The following WWOX variants were observed in gnomAD, a reference collection of about 807,000 sequenced individuals.
WWOX encodes the protein WW domain-containing oxidoreductase.
WWOX carries 69 observed loss-of-function variants against 46.2 expected under a neutral mutation model. The observed-to-expected ratio is 1.49, with a 90% CI of 1.23 to 1.82. WWOX has a LOEUF of 1.82. WWOX is among the 40% of genes most tolerant of loss of function. The pLI is 0.00. For missense variants in WWOX, 919 were observed against 542.6 expected (o/e 1.69, Z -6.89); for synonymous variants, 359 against 202.6 (o/e 1.77, Z -6.56).
intron 8 of WWOX, among the ~76,000 whole-genome samples, chr16:78,924,944 C>T (rs1348823646): frequency 1.3e-5 from 2 of 152,094 alleles, no homozygotes; most frequent in Non-Finnish European, 2.9e-5. Flanking sequence ...CTTGTAATTC[C>T]AGCACTTTGG....
chr16:78,261,978 A>G (rs1439291826), intron 5 of WWOX, among the ~76,000 whole-genome samples: 2 of 150,354 alleles, frequency 1.3e-5, no homozygotes, highest in Non-Finnish European at 3.0e-5. Context: ...ATATCTGAGT[A>G]GGGCTTTAAG....
intron 8 of WWOX, among the ~76,000 whole-genome samples, chr16:79,160,045 G>A (rs181991625): frequency 1.3e-5 from 2 of 152,316 alleles, no homozygotes; most frequent in African/African-American, 4.8e-5. Context: ...AATGTCTGCT[G>A]CTGGGTGCTC....
chr16:78,864,823 T>C (rs368559135), intron 8 of WWOX, among the ~76,000 whole-genome samples: 1 of 140,298 alleles, frequency 7.1e-6, no homozygotes, highest in Admixed American at 7.9e-5. Flanking sequence ...AGTGCAGTGG[T>C]GTGAACTCGG....
At chr16:78,446,488 C>T (rs964587968) in intron 8 of WWOX, among the ~76,000 whole-genome samples, 12 of 152,076 alleles carry the variant, frequency 7.9e-5, no homozygotes, top group South Asian at 2.1e-4. Flanking sequence ...TGTCACATCC[C>T]AGGAACTCCG....
Position 78,725,282 on chromosome 16 carries a change from C to T in WWOX, c.1056+292530C>T, listed in dbSNP as rs901649739. The stretch of plus-strand genomic sequence containing the variant: ...TTGTGAGTCCATTCAACTTCTTTTT[C>T]TTTATAAATTACCCAGTCTCAGGTA... On this transcript the variant is annotated intron_variant, in intron 8 of 8. Transcript: ENST00000566780. 2.8e-3 allele frequency among the ~76,000 whole-genome samples: 397 copies of T among 142,842 alleles called. 1 individual carries two copies. Among genetic ancestry groups the T allele is most frequent in the African/African-American group, 9.9e-3 (380 of 38,566 alleles). The allele number at this position is 142,842 out of a possible 152,430, so 93.7% of individuals were successfully genotyped here.
rs1255173410 is a variant in WWOX, at chr16:78,993,546, T to C, written c.1057-218062T>C. On this transcript the variant is annotated intron_variant, in intron 8 of 8. Coordinates refer to ENST00000566780, the MANE Select transcript of WWOX (RefSeq NM_016373.4). ...TCCTCAAAGGAGGACTATTACAGTG[T>C]TATCAGCTGCGGGCCTGGGTGTACG... 3.9e-5 allele frequency among the ~76,000 whole-genome samples: 6 copies of C among 152,284 alleles called. No individual in the cohort carries two copies. The South Asian group carries it at 1.0e-3, about 26-fold the overall frequency.
chr16:78,285,446 C>T (rs4888774), intron 5 of WWOX, among the ~76,000 whole-genome samples: 67,123 of 150,146 alleles, frequency 0.45, 15,854 homozygotes, highest in East Asian at 0.7. Context: ...AAAATAAAAA[C>T]TAAAAAAAAA....
chr16:78,822,251 T>A (rs953842991), intron 8 of WWOX, among the ~76,000 whole-genome samples: 1 of 152,040 alleles, frequency 6.6e-6, no homozygotes, highest in Non-Finnish European at 1.5e-5. Flanking sequence ...CACAGCACTT[T>A]AGGAGGCCAA....
intron 5 of WWOX, among the ~76,000 whole-genome samples, chr16:78,267,817 C>A (rs1397579552): frequency 6.6e-6 from 1 of 152,182 alleles, no homozygotes; most frequent in Non-Finnish European, 1.5e-5. Context: ...ATTGCCCAGG[C>A]TCATCTCTGC....
intron 8 of WWOX, among the ~76,000 whole-genome samples, chr16:78,667,707 A>G: frequency 6.6e-6 from 1 of 151,860 alleles, no homozygotes; most frequent in Non-Finnish European, 1.5e-5. Context: ...AATGATGAAA[A>G]TAATAGAATA....
intron 5 of WWOX, among the ~76,000 whole-genome samples, chr16:78,176,218 T>G (rs964413370): frequency 6.6e-6 from 1 of 152,092 alleles, no homozygotes; most frequent in African/African-American, 2.4e-5. Context: ...TCTCTCAAAT[T>G]CCCTAAATAA....
At chr16:78,736,019 T>G (rs2049083523) in intron 8 of WWOX, among the ~76,000 whole-genome samples, 1 of 152,214 alleles carries the variant, frequency 6.6e-6, no homozygotes, top group African/African-American at 2.4e-5. Context: ...CTGAACCCTG[T>G]GTTTTGTTGA....
At chr16:78,458,905 A>G (rs2738643) in intron 8 of WWOX, among the ~76,000 whole-genome samples, 19,690 of 152,072 alleles carry the variant, frequency 0.13, 1,325 homozygotes, top group Non-Finnish European at 0.15. Flanking sequence ...GGGAAAAAAA[A>G]TCTTTCATTT....
chr16:79,022,874 G>C (rs1037514064), intron 8 of WWOX, among the ~76,000 whole-genome samples: 7 of 152,156 alleles, frequency 4.6e-5, no homozygotes, highest in African/African-American at 1.7e-4. Context: ...CTGGCTTTGT[G>C]ACCTTTCTGC....
chr16:78,792,852 C>T (rs531054006), intron 8 of WWOX, among the ~76,000 whole-genome samples: 2 of 152,138 alleles, frequency 1.3e-5, no homozygotes, highest in African/African-American at 4.8e-5. Flanking sequence ...CTCTGCTCAC[C>T]CCGGGGATTT....
chr16:78,773,118 T>G (rs1408666933), intron 8 of WWOX, among the ~76,000 whole-genome samples: 1 of 152,150 alleles, frequency 6.6e-6, no homozygotes, highest in East Asian at 1.9e-4. Context: ...AGTGGCTAGA[T>G]TGTAAGCTTC....
intron 8 of WWOX, among the ~76,000 whole-genome samples, chr16:78,505,930 C>T (rs1007095264): frequency 7.9e-5 from 12 of 152,150 alleles, no homozygotes; most frequent in Admixed American, 6.5e-5. Context: ...GAGAAGGACC[C>T]GGTTGGCTCT....
At chr16:78,335,310 T>C (rs910151126) in intron 5 of WWOX, among the ~76,000 whole-genome samples, 5 of 152,120 alleles carry the variant, frequency 3.3e-5, no homozygotes, top group South Asian at 2.1e-4. Context: ...GTGTGTGTTA[T>C]CCGCCTCCAC....
chr16:78,681,369 A>C (rs1167831356), intron 8 of WWOX, among the ~76,000 whole-genome samples: 1 of 152,202 alleles, frequency 6.6e-6, no homozygotes, highest in East Asian at 1.9e-4. Context: ...TTGCCACTAT[A>C]CATCAGTCTG....
Sources: allele counts gnomAD v4.1 joint callset (sites outside exome capture counted in the v4.1 genomes callset), GRCh38; gene constraint gnomAD v4.1.1; transcripts MANE v1.5; gene names NCBI Gene and HGNC (gene_info 2026-07-23, HGNC 2026-07-21).